The following ZFAT variants were observed in gnomAD, a reference collection of about 807,000 sequenced individuals.
ZFAT encodes the protein zinc finger protein ZFAT.
In ZFAT, 64 loss-of-function variants were observed where a neutral mutation model predicts 117.7. The ratio of observed to expected loss-of-function variants is 0.54; its 90% CI spans 0.44 to 0.67. The LOEUF (loss-of-function observed/expected upper bound fraction) is 0.67, where lower values mean the gene tolerates loss of function less well. Ranked by LOEUF, ZFAT falls within the 30% of genes least tolerant of loss-of-function variation. ZFAT has a pLI of 0.00. For missense variants in ZFAT, 1,433 were observed against 1,584.5 expected (o/e 0.90, Z 1.62); for synonymous variants, 679 against 615.0 (o/e 1.10, Z -1.54).
chr8:134,715,145 G>A (rs920787596), upstream of ZFAT, among the ~76,000 whole-genome samples: 2 of 152,196 alleles, frequency 1.3e-5, no homozygotes, highest in African/African-American at 4.8e-5. Context: ...GCGTTTAAAT[G>A]TTGTTTATTG....
At chr8:134,562,849 A>T (rs1824148381) in intron 11 of ZFAT, among the ~76,000 whole-genome samples, 1 of 152,188 alleles carries the variant, frequency 6.6e-6, no homozygotes, top group Non-Finnish European at 1.5e-5. Flanking sequence ...ACAAAACAAA[A>T]CAACAACAAT....
chr8:134,751,497 C>T, the ZFAT span, among the ~76,000 whole-genome samples: 3 of 152,200 alleles, frequency 2.0e-5, no homozygotes, highest in Non-Finnish European at 4.4e-5. Flanking sequence ...TTGTGACCAA[C>T]ACTGGAACCA....
intron 11 of ZFAT, among the ~76,000 whole-genome samples, chr8:134,562,421 G>A (rs899597118): frequency 6.6e-6 from 1 of 152,212 alleles, no homozygotes; most frequent in Non-Finnish European, 1.5e-5. Context: ...AAGGGAAGAC[G>A]ACAGGGAGAG....
intron 13 of ZFAT, among the ~76,000 whole-genome samples, chr8:134,519,958 G>A (rs760303495): frequency 1.3e-5 from 2 of 152,096 alleles, no homozygotes; most frequent in Non-Finnish European, 2.9e-5. Flanking sequence ...ATGTTAACAT[G>A]TTACCTTTCC....
At chr8:134,572,608 A>C (rs1032242673) in intron 10 of ZFAT, among the ~76,000 whole-genome samples, 24 of 152,346 alleles carry the variant, frequency 1.6e-4, no homozygotes, top group Non-Finnish European at 3.1e-4. Flanking sequence ...CAGTGGCCTA[A>C]TTGTGCGAAT....
chr8:134,488,116 G>A (rs183194445), intron 15 of ZFAT, among the ~76,000 whole-genome samples: 2 of 152,350 alleles, frequency 1.3e-5, no homozygotes, highest in Middle Eastern at 3.4e-3. Flanking sequence ...CCAGGGGGAC[G>A]TCTAGGGAAG....
chr8:134,676,255 C>G (rs1218258220), intron 1 of ZFAT, among the ~76,000 whole-genome samples: 1 of 80,588 alleles, frequency 1.2e-5, no homozygotes, highest in Non-Finnish European at 2.3e-5. Flanking sequence ...AAATGGAAAG[C>G]AAAAAAAAAA....
intron 15 of ZFAT, among the ~76,000 whole-genome samples, chr8:134,508,210 T>G (rs574737138): frequency 3.3e-5 from 5 of 152,198 alleles, no homozygotes; most frequent in Non-Finnish European, 7.4e-5. Flanking sequence ...CTGAATGTAC[T>G]TACTAATTCC....
intron 1 of ZFAT, among the ~76,000 whole-genome samples, chr8:134,686,546 A>AG (rs898597343): frequency 2.0e-5 from 3 of 151,918 alleles, no homozygotes; most frequent in Non-Finnish European, 4.4e-5. Flanking sequence ...GAAAAGATAT[A>AG]GGGAAAAAAA....
At chr8:134,785,970 C>T in the ZFAT span, 4 of 152,280 alleles carry the variant, frequency 2.6e-5, no homozygotes, top group African/African-American at 9.6e-5. Flanking sequence ...TCTACTTCTA[C>T]AAAATCTTGC....
intron 1 of ZFAT, among the ~76,000 whole-genome samples, chr8:134,687,332 G>T (rs938751482): frequency 2.0e-5 from 3 of 152,178 alleles, no homozygotes; most frequent in Non-Finnish European, 4.4e-5. Flanking sequence ...AAAATAAAAT[G>T]AGAAATACTC....
the ZFAT span, chr8:134,797,851 C>T: frequency 1.3e-5 from 2 of 151,716 alleles, no homozygotes; most frequent in Non-Finnish European, 2.9e-5. Flanking sequence ...AATACCTTTA[C>T]ATTTTAACCT....
chr8:134,610,418 G>A, intron 4 of ZFAT, 52 bp downstream of exon 4: 3 of 1,559,476 alleles, frequency 1.9e-6, no homozygotes, highest in Non-Finnish European at 2.6e-6. Context: ...GCTGCCCTTG[G>A]CACAGACTTG....
chr8:134,808,660 GA>G, the ZFAT span, among the ~76,000 whole-genome samples: 6 of 152,158 alleles, frequency 3.9e-5, no homozygotes, highest in Non-Finnish European at 2.9e-5. Context: ...AAAGCACTGT[GA>G]AACATACTGT....
At chr8:134,599,235 T>C (rs571219395) in intron 7 of ZFAT, 1 of 152,372 alleles carries the variant, frequency 6.6e-6, no homozygotes, top group Non-Finnish European at 1.5e-5. Flanking sequence ...TGACATGCGA[T>C]AGCCGGTACA....
Position 134,532,950 on chromosome 8 carries a change from T to C in ZFAT, c.2999A>G (p.His1000Arg), listed in dbSNP as rs755425177. 17 of 1,606,854 alleles carry C rather than the reference T, an allele frequency of 1.1e-5. No individual in the cohort carries two copies. The African/African-American group carries it at 1.9e-4, about 18-fold the overall frequency. The change falls in exon 12 of 16, where the codon CAT becomes CGT. Residue 1000 changes from histidine (H) to arginine (R), a missense_variant. By Grantham distance (29) the His-to-Arg change is conservative. Transcript: ENST00000377838. ...AGAGCCAGATATGTTGCAGGAGTAA[T>C]GGCAATGGGCACAGCGGAAAGGCTG... ...SFKPFRCAHC[H>R]YSCNISGSLK... is the part of the protein sequence containing the mutation.
rs1586795688 is a variant in ZFAT at position 134,602,473 on chromosome 8, C to T, written c.1246G>A (p.Glu416Lys). 3.1e-6 allele frequency: 5 copies of T among 1,613,728 alleles called. No homozygotes were observed. The highest frequency in any genetic ancestry group is 1.3e-5 in the African/African-American group (1 of 74,938). Reference protein sequence around the residue: ...CHICERKFKNELDRDRHMLVH... With the variant: ...CHICERKFKNKLDRDRHMLVH... Reference sequence around the variant, plus strand: ...AGCATATGGCGGTCACGGTCCAGCTCGTTCTTGAACTTGCGCTCACAGATG... The same window carrying T: ...AGCATATGGCGGTCACGGTCCAGCTTGTTCTTGAACTTGCGCTCACAGATG... Residue 416 changes from glutamate (E) to lysine (K), a missense_variant, in exon 6 of 16, where the codon GAG (glutamate) becomes AAG (lysine). This residue lies in a region of ZFAT where 73 missense variants were observed against 122.0 expected (regional missense o/e 0.60). Coordinates refer to ENST00000377838, the MANE Select transcript of ZFAT (RefSeq NM_020863.4).
chr8:134,687,294 G>A (rs1423029096), intron 1 of ZFAT, among the ~76,000 whole-genome samples: 1 of 152,156 alleles, frequency 6.6e-6, no homozygotes, highest in Non-Finnish European at 1.5e-5. Flanking sequence ...AAATCCCGTG[G>A]GTGTTTCTTT....
At chr8:134,625,881 C>T (rs1563692709) in intron 3 of ZFAT, among the ~76,000 whole-genome samples, 1 of 152,214 alleles carries the variant, frequency 6.6e-6, no homozygotes, top group Non-Finnish European at 1.5e-5. Flanking sequence ...GCCCCCTGTG[C>T]CATGGGCTAC....
Sources: gnomAD v4.1 joint callset for allele counts (sites outside exome capture counted in the v4.1 genomes callset) on GRCh38, gnomAD v4.1.1 for gene constraint, gnomAD v4.1.1 regional missense constraint, MANE v1.5 for transcripts, NCBI Gene and HGNC (gene_info 2026-07-23, HGNC 2026-07-21) for gene names.